Variants in CHIA observed in about 807,000 individuals in gnomAD.
CHIA encodes the protein chitinase acidic.
Under a neutral mutation model 53.5 loss-of-function variants are expected in CHIA, and 47 were observed. The observed-to-expected ratio is 0.88, with a 90% CI of 0.70 to 1.12. The LOEUF (loss-of-function observed/expected upper bound fraction) is 1.12, where lower values mean the gene tolerates loss of function less well. CHIA is among the 50% of genes most tolerant of loss of function. The pLI is 0.00. For synonymous variants in CHIA, 268 were observed against 222.2 expected (o/e 1.21, Z -1.83); for missense variants, 652 against 592.2 (o/e 1.10, Z -1.05).
Position 111,319,479 on chromosome 1 carries a change from G to A in CHIA, c.1177+11G>A, listed in dbSNP as rs752901913. On this transcript the variant is annotated intron_variant, in intron 11 of 11. Coordinates refer to ENST00000369740, the MANE Select transcript of CHIA (RefSeq NM_201653.4). Reference sequence around the variant, plus strand: ...GCCTGCAGAGTGCAAGTAAGTGACTGAGGGGGAATGCCCAGGTGTATAAAT... The same window carrying A: ...GCCTGCAGAGTGCAAGTAAGTGACTAAGGGGGAATGCCCAGGTGTATAAAT... 2 of 1,612,936 alleles carry A rather than the reference G, an allele frequency of 1.2e-6. No individual in the cohort carries two copies. The highest frequency in any genetic ancestry group is 1.1e-5 in the South Asian group (1 of 91,034).
At position 111,311,686 on chromosome 1, in the gene CHIA, C is replaced by T. The variant is rs758894994; in HGVS notation, c.26-3C>T. On this transcript the variant is annotated splice_polypyrimidine_tract_variant and splice_region_variant and intron_variant, in intron 2 of 11. Coordinates refer to ENST00000369740, the MANE Select transcript of CHIA (RefSeq NM_201653.4). Reference sequence around the variant, plus strand: ...AAAGTACATGCTTTTTCTTTCTATCCAGGTCTTGTCCTTATACTGAATTTG... The same window carrying T: ...AAAGTACATGCTTTTTCTTTCTATCTAGGTCTTGTCCTTATACTGAATTTG... The T allele has an allele frequency of 3.1e-6, 5 of 1,613,896 alleles. No homozygotes were observed. The highest frequency in any genetic ancestry group is 4.2e-6 in the Non-Finnish European group (5 of 1,179,900).
At chr1:111,305,285 T>C (rs1213923624) in intron 1 of CHIA, among the ~76,000 whole-genome samples, 1 of 152,158 alleles carries the variant, frequency 6.6e-6, no homozygotes, top group Non-Finnish European at 1.5e-5. Flanking sequence ...ATAAGAATGG[T>C]GCCAACCCTT....
rs911563050 is a variant in CHIA, at chr1:111,316,978, T to C, written c.481-703T>C. The C allele has an allele frequency of 1.7e-4, 26 of 152,366 alleles. No homozygotes were observed. The East Asian group carries it at 1.9e-3, about 11-fold the overall frequency. 9.4% of individuals were successfully genotyped at this position (152,366 alleles called of 1,614,324 possible). ...CTGCTGAAGCAACAGAGAATAAGAC[T>C]GCATCTTTTGCAATATATGGGCTTA... On this transcript the variant is annotated intron_variant, in intron 6 of 11. Coordinates refer to ENST00000369740, the MANE Select transcript of CHIA (RefSeq NM_201653.4).
At chr1:111,299,424 C>A (rs1409140060) in intron 1 of CHIA, among the ~76,000 whole-genome samples, 1 of 152,172 alleles carries the variant, frequency 6.6e-6, no homozygotes, top group Non-Finnish European at 1.5e-5. Flanking sequence ...GGATGCAAGG[C>A]TGGTTAAACA....
chr1:111,312,908 C>T (rs1286782619), intron 4 of CHIA, among the ~76,000 whole-genome samples: 1 of 151,590 alleles, frequency 6.6e-6, no homozygotes, highest in African/African-American at 2.4e-5. Context: ...TGGTATATGT[C>T]TTTCTGTGCC....
At chr1:111,312,784 A>G (rs757716331) in intron 4 of CHIA, among the ~76,000 whole-genome samples, 24 of 152,144 alleles carry the variant, frequency 1.6e-4, no homozygotes, top group Non-Finnish European at 3.2e-4. Context: ...CCTTTGACCA[A>G]CATGCCCCCC....
chr1:111,295,357 G>A (rs1490441931), intron 1 of CHIA, among the ~76,000 whole-genome samples: 1 of 152,010 alleles, frequency 6.6e-6, no homozygotes, highest in Non-Finnish European at 1.5e-5. Context: ...AAGATTTTTG[G>A]TTACTAATTA....
chr1:111,305,964 A>T (rs1391071819), intron 1 of CHIA, among the ~76,000 whole-genome samples: 1 of 152,232 alleles, frequency 6.6e-6, no homozygotes, highest in Non-Finnish European at 1.5e-5. Context: ...TAGAAGATGC[A>T]GTTTAAAATG....
chr1:111,303,080 G>A (rs1005316431), intron 1 of CHIA, among the ~76,000 whole-genome samples: 4 of 151,828 alleles, frequency 2.6e-5, no homozygotes, highest in East Asian at 1.9e-4. Flanking sequence ...TCCTGCTCTC[G>A]TTTGGTTACT....
intron 1 of CHIA, among the ~76,000 whole-genome samples, chr1:111,301,329 C>T (rs1647707904): frequency 6.6e-6 from 1 of 152,104 alleles, no homozygotes; most frequent in Non-Finnish European, 1.5e-5. Flanking sequence ...TGGAATCAAC[C>T]CAAATGTCCA....
At chr1:111,303,428 T>C (rs1647921242) in intron 1 of CHIA, among the ~76,000 whole-genome samples, 1 of 152,060 alleles carries the variant, frequency 6.6e-6, no homozygotes, top group African/African-American at 2.4e-5. Flanking sequence ...CACACACATA[T>C]ACATCTATAC....
At chr1:111,311,306 A>C (rs1648649857) in intron 2 of CHIA, among the ~76,000 whole-genome samples, 1 of 152,236 alleles carries the variant, frequency 6.6e-6, no homozygotes, top group African/African-American at 2.4e-5. Context: ...TCTCTGATTT[A>C]GCAGATGCCT....
intron 1 of CHIA, among the ~76,000 whole-genome samples, chr1:111,299,889 G>A (rs1369595780): frequency 6.6e-6 from 1 of 152,112 alleles, no homozygotes; most frequent in African/African-American, 2.4e-5. Flanking sequence ...AAAGTCTCAG[G>A]ATACAAAATC....
intron 1 of CHIA, among the ~76,000 whole-genome samples, chr1:111,295,573 G>A (rs1443479702): frequency 7.9e-5 from 12 of 152,188 alleles, no homozygotes; most frequent in Non-Finnish European, 2.9e-5. Flanking sequence ...GCAGCTCCCA[G>A]TGTGATCAAC....
chr1:111,315,243 A>C (rs770059747), intron 5 of CHIA, 27 bp from the exon 6 acceptor site: 3 of 1,599,962 alleles, frequency 1.9e-6, no homozygotes, highest in Non-Finnish European at 2.6e-6. Flanking sequence ...CCAAGGTCTC[A>C]CCCTGCCTTC....
chr1:111,299,022 C>T (rs1272556713), intron 1 of CHIA, among the ~76,000 whole-genome samples: 1 of 152,090 alleles, frequency 6.6e-6, no homozygotes, highest in Non-Finnish European at 1.5e-5. Context: ...CATACATCCT[C>T]CCAAGACTAA....
intron 1 of CHIA, among the ~76,000 whole-genome samples, chr1:111,293,783 C>G (rs1441883039): frequency 6.6e-6 from 1 of 152,056 alleles, no homozygotes; most frequent in Non-Finnish European, 1.5e-5. Context: ...GAAAATGGCC[C>G]AAAAACATCA....
At chr1:111,301,514 A>C (rs1647730509) in intron 1 of CHIA, among the ~76,000 whole-genome samples, 1 of 152,002 alleles carries the variant, frequency 6.6e-6, no homozygotes, top group African/African-American at 2.4e-5. Context: ...CCTGGCTAAC[A>C]CAGTGAAACC....
At chr1:111,319,591 C>T (rs1431106195) in intron 11 of CHIA, 123 bp downstream of exon 11, 7 of 901,626 alleles carry the variant, frequency 7.8e-6, no homozygotes, top group Non-Finnish European at 1.2e-5. Context: ...CCTCACCGCT[C>T]TTGCCCAGAT....
Sources: allele counts gnomAD v4.1 joint callset (sites outside exome capture counted in the v4.1 genomes callset), GRCh38; gene constraint gnomAD v4.1.1; transcripts MANE v1.5; gene names NCBI Gene and HGNC (gene_info 2026-07-23, HGNC 2026-07-21).